HTR2C: variants seen among roughly 807,000 people sequenced by gnomAD.
HTR2C encodes 5-hydroxytryptamine receptor 2C, also known as 5-hydroxytryptamine (serotonin) receptor 2C, G protein-coupled.
HTR2C carries 5 observed loss-of-function variants against 21.0 expected under a neutral mutation model. The observed-to-expected ratio is 0.24, with a 90% confidence interval of 0.12 to 0.50. HTR2C has a LOEUF of 0.50. HTR2C is among the 20% of genes least tolerant of loss of function. The probability of loss-of-function intolerance (pLI) is 0.98; values close to 1 mark genes in which losing one functional copy is unlikely to be tolerated. For missense variants in HTR2C, 271 were observed against 371.2 expected, an observed-to-expected ratio of 0.73 and a Z score of 2.22; for synonymous variants, 150 against 145.3, an observed-to-expected ratio of 1.03 and a Z score of -0.23.
At chrX:114,627,513 A>G (rs782071902) in intron 2 of HTR2C, among the ~76,000 whole-genome samples, 9 of 111,597 alleles carry the variant, frequency 8.1e-5, no homozygotes, top group Non-Finnish European at 1.7e-4. Flanking sequence ...AGATTAATTA[A>G]CATAAAATAA....
intron 5 of HTR2C, among the ~76,000 whole-genome samples, chrX:114,873,559 A>T (rs1284853835): frequency 8.9e-6 from 1 of 112,179 alleles, no homozygotes; most frequent in Non-Finnish European, 1.9e-5. Context: ...GACTTTGTTT[A>T]GAAGAAAGAC....
intron 4 of HTR2C, among the ~76,000 whole-genome samples, chrX:114,780,461 AG>A (rs1239728056): frequency 8.9e-6 from 1 of 111,892 alleles, no homozygotes; most frequent in Non-Finnish European, 1.9e-5. Flanking sequence ...TTCAAATAGA[AG>A]GTTATCCTCC....
intron 2 of HTR2C, among the ~76,000 whole-genome samples, chrX:114,666,449 CTTAA>C (rs1342567306): frequency 1.6e-3 from 88 of 55,699 alleles, no homozygotes; most frequent in African/African-American, 4.4e-3. Context: ...CTTTCTAAAA[CTTAA>C]TTATCTTATT....
At chrX:114,816,107 G>C (rs782703195) in intron 4 of HTR2C, among the ~76,000 whole-genome samples, 7 of 110,908 alleles carry the variant, frequency 6.3e-5, no homozygotes, top group South Asian at 3.7e-4. Context: ...TTACAATGAT[G>C]TACTGAAATT....
At chrX:114,758,341 C>A (rs1302326440) in intron 4 of HTR2C, among the ~76,000 whole-genome samples, 4 of 110,208 alleles carry the variant, frequency 3.6e-5, no homozygotes, top group East Asian at 2.9e-4. Context: ...ACAGGAGAAC[C>A]ATTTGAGACC....
chrX:114,651,348 G>A (rs1183099177), intron 2 of HTR2C, among the ~76,000 whole-genome samples: 1 of 111,574 alleles, frequency 9.0e-6, no homozygotes, highest in Non-Finnish European at 1.9e-5. Flanking sequence ...CATCTGTCTG[G>A]TATGGTTTGG....
chrX:114,589,659 G>T (rs1198228590), intron 1 of HTR2C: 26 of 196,258 alleles, frequency 1.3e-4, no homozygotes, highest in Middle Eastern at 2.1e-3. Flanking sequence ...TTAAAGAAGT[G>T]TGGCTAGCAC....
At chrX:114,709,866 T>C (rs1932865703) in intron 2 of HTR2C, among the ~76,000 whole-genome samples, 1 of 111,701 alleles carries the variant, frequency 9.0e-6, no homozygotes, top group African/African-American at 3.3e-5. Context: ...TTCTACTGCA[T>C]TTAATTTTGT....
chrX:114,821,431 G>A (rs2070631686), intron 4 of HTR2C, among the ~76,000 whole-genome samples: 1 of 111,007 alleles, frequency 9.0e-6, no homozygotes, highest in South Asian at 3.7e-4. Context: ...TAATTGTTTG[G>A]TACATATTAA....
intron 2 of HTR2C, among the ~76,000 whole-genome samples, chrX:114,701,136 C>T (rs912305745): frequency 8.0e-5 from 9 of 112,338 alleles, no homozygotes; most frequent in Admixed American, 7.5e-4. Flanking sequence ...GGGCAGGGCA[C>T]AGACAAACAA....
intron 4 of HTR2C, among the ~76,000 whole-genome samples, chrX:114,831,973 T>G (rs1556461291): frequency 3.1e-5 from 2 of 65,162 alleles, no homozygotes; most frequent in East Asian, 5.5e-4. Context: ...CCCCATTGCT[T>G]GTTTTTGTCA....
intron 4 of HTR2C, among the ~76,000 whole-genome samples, chrX:114,789,432 C>T (rs1444284410): frequency 8.9e-6 from 1 of 111,855 alleles, no homozygotes; most frequent in Non-Finnish European, 1.9e-5. Context: ...TTCAATTTCT[C>T]ATTGGAATTT....
intron 2 of HTR2C, among the ~76,000 whole-genome samples, chrX:114,689,815 A>G (rs1458513730): frequency 8.9e-6 from 1 of 111,912 alleles, no homozygotes; most frequent in Non-Finnish European, 1.9e-5. Context: ...CAGTAACTTA[A>G]TAGTTAAAGT....
chrX:114,833,056 G>A (rs1278150491), intron 4 of HTR2C, among the ~76,000 whole-genome samples: 16 of 87,132 alleles, frequency 1.8e-4, no homozygotes, highest in African/African-American at 6.0e-4. Context: ...AAGCCCACTT[G>A]ATCATGGTGG....
At chrX:114,752,010 T>C (rs1343137667) in intron 4 of HTR2C, among the ~76,000 whole-genome samples, 1 of 111,971 alleles carries the variant, frequency 8.9e-6, no homozygotes, top group Non-Finnish European at 1.9e-5. Context: ...CCGTTAAACT[T>C]AAGAGATGCA....
At chrX:114,739,320 G>C (rs1325193127) in intron 4 of HTR2C, among the ~76,000 whole-genome samples, 1 of 111,479 alleles carries the variant, frequency 9.0e-6, no homozygotes, top group Non-Finnish European at 1.9e-5. Flanking sequence ...AAATTAATTA[G>C]AGTTATAAAA....
At chrX:114,659,229 C>T (rs1433231362) in intron 2 of HTR2C, among the ~76,000 whole-genome samples, 1 of 111,558 alleles carries the variant, frequency 9.0e-6, no homozygotes, top group Non-Finnish European at 1.9e-5. Flanking sequence ...ATCCCTCCCA[C>T]AACACAGGGA....
At chrX:114,890,085 G>A (rs2071248125) in intron 5 of HTR2C, among the ~76,000 whole-genome samples, 2 of 111,404 alleles carry the variant, frequency 1.8e-5, no homozygotes, top group South Asian at 3.7e-4. Flanking sequence ...GCTTTTTCTT[G>A]TTTTAAATAA....
At chrX:114,793,189 T>C (rs2070252174) in intron 4 of HTR2C, among the ~76,000 whole-genome samples, 1 of 111,243 alleles carries the variant, frequency 9.0e-6, no homozygotes, top group African/African-American at 3.3e-5. Context: ...ATCATAAAAT[T>C]TTTGCCCATG....
Sources: gnomAD v4.1 joint callset for allele counts (sites outside exome capture counted in the v4.1 genomes callset) on GRCh38, gnomAD v4.1.1 for gene constraint, MANE v1.5 for transcripts, NCBI Gene and HGNC (gene_info 2026-07-23, HGNC 2026-07-21) for gene names.